TMCO1: variants seen among roughly 807,000 people sequenced by gnomAD.
TMCO1 encodes transmembrane and coiled-coil domains 1.
In TMCO1, 29 loss-of-function variants were observed where a neutral mutation model predicts 29.3. The observed-to-expected ratio is 0.99, with a 90% confidence interval of 0.74 to 1.35. TMCO1 has a LOEUF of 1.35. TMCO1 is among the 40% of genes most tolerant of loss of function. The probability of loss-of-function intolerance (pLI) is 0.00; values close to 1 mark genes in which losing one functional copy is unlikely to be tolerated. For synonymous variants in TMCO1, 80 were observed against 77.1 expected (o/e 1.04, Z -0.20); for missense variants, 173 against 225.5 (o/e 0.77, Z 1.49).
At chr1:165,725,224 T>G (rs1204845339), downstream of TMCO1, 1 of 453,722 alleles carries the variant, frequency 2.2e-6, no homozygotes, top group African/African-American at 2.0e-5. Context: ...TAAGTATAAA[T>G]AGTCTGAAAA....
intron 6 of TMCO1, among the ~76,000 whole-genome samples, chr1:165,734,666 C>T (rs543060237): frequency 1.7e-4 from 26 of 152,042 alleles, no homozygotes; most frequent in African/African-American, 5.1e-4. Flanking sequence ...CCACCATGCC[C>T]GGCTAATTTT....
downstream of TMCO1, chr1:165,726,047 T>C: frequency 1.4e-6 from 1 of 690,278 alleles, no homozygotes; most frequent in Non-Finnish European, 2.6e-6. Context: ...AGTGATAGAG[T>C]GTGCTATATA....
chr1:165,746,800 T>G (rs1056140258), intron 5 of TMCO1, among the ~76,000 whole-genome samples: 2 of 152,072 alleles, frequency 1.3e-5, no homozygotes, highest in African/African-American at 4.8e-5. Flanking sequence ...ACAATAGAAC[T>G]AGAGAACAGT....
At chr1:165,742,086 CAGA>C (rs1230116163) in intron 6 of TMCO1, among the ~76,000 whole-genome samples, 2 of 152,128 alleles carry the variant, frequency 1.3e-5, no homozygotes, top group African/African-American at 4.8e-5. Context: ...AGACAGTATT[CAGA>C]AGGAGGGGAG....
At chr1:165,740,094 G>A (rs142311485) in intron 6 of TMCO1, among the ~76,000 whole-genome samples, 2,016 of 152,054 alleles carry the variant, frequency 0.013, 54 homozygotes, top group African/African-American at 0.047. Context: ...CCTGGGTGAT[G>A]GAGTGAGATT....
chr1:165,725,775 A>C (rs1029003022), downstream of TMCO1: 2 of 456,124 alleles, frequency 4.4e-6, no homozygotes, highest in Non-Finnish European at 8.8e-6. Flanking sequence ...AACTCCTTGA[A>C]TTTAATTCTT....
chr1:165,731,986 C>T (rs1244264259), intron 6 of TMCO1, among the ~76,000 whole-genome samples: 1 of 152,224 alleles, frequency 6.6e-6, no homozygotes. Flanking sequence ...CTAAACTAAT[C>T]TGTTTAAATT....
chr1:165,725,022 CTCTATATATATATA>C (rs1650807252), downstream of TMCO1: 2 of 99,622 alleles, frequency 2.0e-5, no homozygotes, highest in East Asian at 2.6e-4. Context: ...CTCTCTCTCT[CTCTATATATATATA>C]TATATATATA....
chr1:165,725,011 T>A (rs1209951014), downstream of TMCO1: 2 of 256,652 alleles, frequency 7.8e-6, no homozygotes, highest in Non-Finnish European at 1.4e-5. Context: ...TCTCTCTCTC[T>A]CTCTCTCTCT....
At position 165,743,318 on chromosome 1, in the gene TMCO1, G is replaced by GAAAAA; in HGVS notation, c.324-12_324-8dup. 2 of 1,346,546 alleles carry GAAAAA rather than the reference G, an allele frequency of 1.5e-6. No homozygotes were observed. Among genetic ancestry groups the GAAAAA allele is most frequent in the South Asian group, 1.3e-5 (1 of 78,404 alleles). The allele number at this position is 1,346,546 out of a possible 1,614,324, so 83.4% of individuals were successfully genotyped here. A position where few individuals can be genotyped will look rare whatever the true frequency, so the allele number is the denominator to read the frequency against. ...CACCACTCTACCATCAAATCTAAAA[G>GAAAAA]AAAAAAAAAAAAAAAGAATTGTTAT... On this transcript the variant is annotated splice_region_variant and splice_polypyrimidine_tract_variant and intron_variant, in intron 5 of 6. Transcript: ENST00000367881.
At chr1:165,753,868 C>G (rs1247515445) in intron 4 of TMCO1, among the ~76,000 whole-genome samples, 1 of 152,136 alleles carries the variant, frequency 6.6e-6, no homozygotes, top group Non-Finnish European at 1.5e-5. Flanking sequence ...TTATAATGTT[C>G]CAACTTCTAT....
chr1:165,727,940 C>T lies in TMCO1; in HGVS notation c.*83G>A. 2 of 1,064,298 alleles carry T rather than the reference C, an allele frequency of 1.9e-6. No homozygotes were observed. The highest frequency in any genetic ancestry group is 2.8e-5 in the East Asian group (1 of 35,458). The allele number at this position is 1,064,298 out of a possible 1,614,324, so 65.9% of individuals were successfully genotyped here. A position where few individuals can be genotyped will look rare whatever the true frequency, so the allele number is the denominator to read the frequency against. ...GAAAGAGGCCCAAGTAGTAAGGCTA[C>T]CTATGGCTCTTGCTACAAAACAGTT... is the stretch of plus-strand genomic sequence containing the variant. On this transcript the variant is annotated 3_prime_UTR_variant, in exon 7 of 7. Coordinates refer to ENST00000367881, the MANE Select transcript of TMCO1 (RefSeq NM_019026.6).
At position 165,730,371 on chromosome 1, in the gene TMCO1, A is replaced by G. The variant is rs975797286; in HGVS notation, c.469-2250T>C. Among the ~76,000 whole-genome samples, 7 of 151,674 alleles carry G rather than the reference A, an allele frequency of 4.6e-5. 1 individual carries two copies. Among genetic ancestry groups the G allele is most frequent in the African/African-American group, 9.7e-5 (4 of 41,296 alleles). ...AAAACAAAACAAAAAAAAAAAAAGA[A>G]TGTGTATTGAGGTAACACTGTTAGA... On this transcript the variant is annotated intron_variant, in intron 6 of 6. Transcript: ENST00000367881.
intron 5 of TMCO1, among the ~76,000 whole-genome samples, chr1:165,746,612 G>C (rs1238872610): frequency 6.6e-6 from 1 of 151,938 alleles, no homozygotes; most frequent in Non-Finnish European, 1.5e-5. Context: ...ACTCTATTAA[G>C]GATAACATAT....
In TMCO1 at chr1:165,727,283, T is replaced by C. The variant is rs1650936071; in HGVS notation, c.*740A>G. ...AGCTGAGGACCCTCATTTTTATTTA[T>C]TTATTTATATTTAATTTTTTTTCAG... On this transcript the variant is annotated 3_prime_UTR_variant, in exon 7 of 7. Coordinates refer to ENST00000367881, the MANE Select transcript of TMCO1 (RefSeq NM_019026.6). 2.2e-6 allele frequency: 1 copy of C among 446,356 alleles called. No homozygotes were observed. Among genetic ancestry groups the C allele is most frequent in the African/African-American group, 2.0e-5 (1 of 49,602 alleles). 27.6% of individuals were successfully genotyped at this position (446,356 alleles called of 1,614,324 possible).
chr1:165,748,929 C>T (rs534102440), intron 5 of TMCO1, among the ~76,000 whole-genome samples: 16 of 152,180 alleles, frequency 1.1e-4, no homozygotes, highest in South Asian at 4.1e-4. Flanking sequence ...CAGCAGGAAT[C>T]GTACAGTATA....
chr1:165,724,357 A>T (rs1416098342), downstream of TMCO1: 1 of 454,100 alleles, frequency 2.2e-6, no homozygotes, highest in Admixed American at 2.3e-5. Flanking sequence ...TTACAGAGAC[A>T]ACCAATAGTA....
At chr1:165,729,949 C>T (rs1013300051) in intron 6 of TMCO1, among the ~76,000 whole-genome samples, 13 of 151,904 alleles carry the variant, frequency 8.6e-5, no homozygotes, top group Admixed American at 5.2e-4. Context: ...GTGAGAATAT[C>T]CATAACCAGG....
Position 165,763,422 on chromosome 1 carries a change from G to A in TMCO1, c.149-3838C>T, listed in dbSNP as rs1258989437. Among the ~76,000 whole-genome samples, 4 of 151,980 alleles carry A rather than the reference G, an allele frequency of 2.6e-5. No individual in the cohort carries two copies. In the East Asian group the frequency reaches 5.8e-4, roughly 22 times the overall value. ...CACATAGCAAGCAATCAAATAAGTC[G>A]ACTGATCACATAAATAAAAATAATA... is the stretch of plus-strand genomic sequence containing the variant. On this transcript the variant is annotated intron_variant, in intron 2 of 6. Transcript: ENST00000367881.
Sources: gnomAD v4.1 joint callset for allele counts (sites outside exome capture counted in the v4.1 genomes callset) on GRCh38, gnomAD v4.1.1 for gene constraint, MANE v1.5 for transcripts, NCBI Gene and HGNC (gene_info 2026-07-23, HGNC 2026-07-21) for gene names.